Variants in SLC25A17 observed in about 807,000 individuals in gnomAD.
SLC25A17 encodes peroxisomal membrane protein PMP34.
SLC25A17 carries 26 observed loss-of-function variants against 38.5 expected under a neutral mutation model. That is an observed-to-expected ratio of 0.68 (90% CI 0.50 to 0.94). The LOEUF (loss-of-function observed/expected upper bound fraction) is 0.94. SLC25A17 is among the 40% of genes least tolerant of loss of function. The pLI, the probability that SLC25A17 is intolerant of heterozygous loss-of-function variation, is 0.00. For synonymous variants in SLC25A17, 139 were observed against 136.2 expected (o/e 1.02, Z -0.14); for missense variants, 333 against 372.7 (o/e 0.89, Z 0.88).
At chr22:40,787,739 GACAACA>G (rs573166990) in intron 4 of SLC25A17, among the ~76,000 whole-genome samples, 2 of 150,652 alleles carry the variant, frequency 1.3e-5, no homozygotes, top group African/African-American at 4.9e-5. Flanking sequence ...TACTGTCTTC[GACAACA>G]ACAACAACAA....
intron 8 of SLC25A17, among the ~76,000 whole-genome samples, chr22:40,773,057 G>A (rs1004102780): frequency 2.0e-5 from 3 of 152,158 alleles, no homozygotes; most frequent in Non-Finnish European, 1.5e-5. Flanking sequence ...TTCACTAAGT[G>A]TCAGTTTCTT....
intron 4 of SLC25A17, among the ~76,000 whole-genome samples, chr22:40,784,333 A>T (rs1250061556): frequency 6.6e-6 from 1 of 152,176 alleles, no homozygotes; most frequent in Non-Finnish European, 1.5e-5. Context: ...TACTTATCCT[A>T]AAGTATACAA....
intron 1 of SLC25A17, 84 bp downstream of exon 1, chr22:40,819,111 A>C: frequency 6.9e-7 from 1 of 1,442,954 alleles, no homozygotes; most frequent in East Asian, 2.3e-5. Context: ...TCCCTCTCAG[A>C]CCCATCCCTC....
chr22:40,771,435 G>A (rs891307730), intron 8 of SLC25A17, among the ~76,000 whole-genome samples: 2 of 152,122 alleles, frequency 1.3e-5, no homozygotes, highest in African/African-American at 2.4e-5. Context: ...TACAAATAAT[G>A]TCTTAAATTT....
At position 40,783,468 on chromosome 22, in the gene SLC25A17, T is replaced by C. The variant is rs143928580; in HGVS notation, c.335-4343A>G. Among the ~76,000 whole-genome samples the C allele has an allele frequency of 4.3e-3, 657 of 152,350 alleles. 2 individuals are homozygous for C. Among genetic ancestry groups the C allele is most frequent in the African/African-American group, 0.015 (615 of 41,590 alleles). ...GGAATTCACTTTCACACCTGTTTTATTCCATTAGCTGTTACAATTATTTAT... is the reference window on the plus strand; with the variant it reads ...GGAATTCACTTTCACACCTGTTTTACTCCATTAGCTGTTACAATTATTTAT... On this transcript the variant is annotated intron_variant, in intron 4 of 8. Coordinates refer to ENST00000435456, the MANE Select transcript of SLC25A17 (RefSeq NM_006358.4).
rs539468795 is a variant in SLC25A17, at chr22:40,790,001, C to G, written c.334+2524G>C. 2.0e-5 allele frequency among the ~76,000 whole-genome samples: 3 copies of G among 151,872 alleles called. No homozygotes were observed. In the South Asian group the frequency reaches 6.2e-4, roughly 32 times the overall value. Reference sequence around the variant, plus strand: ...CACAGTCAACACAGACCCGTAGACTCTCCTATGTGTCAACTGTAATCCTAC... The same window carrying G: ...CACAGTCAACACAGACCCGTAGACTGTCCTATGTGTCAACTGTAATCCTAC... On this transcript the variant is annotated intron_variant, in intron 4 of 8. Transcript: ENST00000435456.
rs1419877997 is a variant in SLC25A17, at chr22:40,789,209, A to C, written c.334+3316T>G. The C allele has an allele frequency of 4.6e-5, 10 of 217,286 alleles. No individual in the cohort carries two copies. Among genetic ancestry groups the C allele is most frequent in the Non-Finnish European group, 6.6e-5 (7 of 105,802 alleles). The allele number at this position is 217,286 out of a possible 1,614,324, so 13.5% of individuals were successfully genotyped here. A position where few individuals can be genotyped will look rare whatever the true frequency, so the allele number is the denominator to read the frequency against. ...CTTGTAGCCACGGCCGAAGCCCCAT[A>C]CCACTTGGTCCCGGCAGGAGTATGA... On this transcript the variant is annotated intron_variant, in intron 4 of 8. Coordinates refer to ENST00000435456, the MANE Select transcript of SLC25A17 (RefSeq NM_006358.4). The surrounding 1 kb of genome is among the most constrained non-coding windows in gnomAD (Gnocchi z 4.5).
intron 1 of SLC25A17, among the ~76,000 whole-genome samples, chr22:40,813,585 G>A (rs1454557341): frequency 8.6e-5 from 13 of 151,780 alleles, no homozygotes; most frequent in Non-Finnish European, 2.9e-5. Context: ...TTAGCCGGGT[G>A]TGGTGGCAGA....
intron 8 of SLC25A17, among the ~76,000 whole-genome samples, chr22:40,773,410 CAAAAAAAAAAAAAA>C (rs59479764): frequency 1.3e-5 from 1 of 74,338 alleles, no homozygotes; most frequent in Non-Finnish European, 2.5e-5. Flanking sequence ...ACTCTGTCTC[CAAAAAAAAAAAAAA>C]AAAAAAAAAG....
chr22:40,786,709 G>A (rs560417399), intron 4 of SLC25A17, among the ~76,000 whole-genome samples: 3 of 152,304 alleles, frequency 2.0e-5, no homozygotes, highest in African/African-American at 4.8e-5. Flanking sequence ...CACAGATGTG[G>A]AACCCACGGA....
At chr22:40,815,697 C>T (rs2057632155) in intron 1 of SLC25A17, among the ~76,000 whole-genome samples, 1 of 152,182 alleles carries the variant, frequency 6.6e-6, no homozygotes, top group Non-Finnish European at 1.5e-5. Flanking sequence ...CACAAGAACC[C>T]AGTTAAGTGA....
intron 4 of SLC25A17, 131 bp downstream of exon 4, chr22:40,792,394 A>T: frequency 1.4e-6 from 1 of 692,802 alleles, no homozygotes; most frequent in Non-Finnish European, 2.2e-6. Context: ...AACACAATTA[A>T]AAAAAAAAAA....
chr22:40,792,990 A>C (rs1390879031), intron 3 of SLC25A17, among the ~76,000 whole-genome samples: 1 of 152,158 alleles, frequency 6.6e-6, no homozygotes, highest in East Asian at 1.9e-4. Flanking sequence ...TTAATAGAGT[A>C]CCATTCATGT....
In SLC25A17 at chr22:40,787,184, G is replaced by GGAT. The variant is rs199519212; in HGVS notation, c.334+5338_334+5340dup. Among the ~76,000 whole-genome samples, 898 of 151,918 alleles carry GGAT rather than the reference G, an allele frequency of 5.9e-3. 3 individuals are homozygous for GGAT. Among genetic ancestry groups the GGAT allele is most frequent in the Admixed American group, 0.012 (184 of 15,264 alleles). Reference sequence around the variant, plus strand: ...GAAGAAGAGGTAGCTGAGAATAAAGGGATGAATGGGAGTTAATAAGATGAA... The same window carrying GGAT: ...GAAGAAGAGGTAGCTGAGAATAAAGGGATGATGAATGGGAGTTAATAAGATGAA... On this transcript the variant is annotated intron_variant, in intron 4 of 8. Coordinates refer to ENST00000435456, the MANE Select transcript of SLC25A17 (RefSeq NM_006358.4).
At chr22:40,818,751 C>T (rs1159832499) in intron 1 of SLC25A17, among the ~76,000 whole-genome samples, 3 of 150,440 alleles carry the variant, frequency 2.0e-5, no homozygotes, top group African/African-American at 7.4e-5. Flanking sequence ...CTGCCAATAA[C>T]GGTGCCCAGA....
intron 7 of SLC25A17, among the ~76,000 whole-genome samples, chr22:40,776,828 G>A (rs2057248057): frequency 1.3e-5 from 2 of 152,116 alleles, no homozygotes; most frequent in Non-Finnish European, 2.9e-5. Context: ...CTAGGAGGTC[G>A]AGGGTATAGA....
intron 2 of SLC25A17, chr22:40,797,902 G>T (rs2057444717): frequency 6.4e-6 from 1 of 155,166 alleles, no homozygotes; most frequent in Non-Finnish European, 1.4e-5. Flanking sequence ...ATCTGATAAA[G>T]CCTTTGCCCC....
chr22:40,775,496 G>T (rs1193918180), intron 7 of SLC25A17, among the ~76,000 whole-genome samples: 4 of 123,948 alleles, frequency 3.2e-5, no homozygotes, highest in East Asian at 2.3e-4. Context: ...TCGCTCTGTC[G>T]CCCAGGCCGG....
intron 5 of SLC25A17, among the ~76,000 whole-genome samples, chr22:40,777,611 G>A (rs1253515898): frequency 6.6e-6 from 1 of 152,028 alleles, no homozygotes; most frequent in African/African-American, 2.4e-5. Flanking sequence ...GTGAAACCCT[G>A]TCTCTACTAA....
Sources: allele counts gnomAD v4.1 joint callset (sites outside exome capture counted in the v4.1 genomes callset), GRCh38; gene constraint gnomAD v4.1.1; non-coding constraint Gnocchi (gnomAD v3.1); transcripts MANE v1.5; gene names NCBI Gene and HGNC (gene_info 2026-07-23, HGNC 2026-07-21).